LRRC7: variants seen among roughly 807,000 people sequenced by gnomAD.
LRRC7 encodes the protein leucine-rich repeat-containing protein 7.
In LRRC7, 23 loss-of-function variants were observed where a neutral mutation model predicts 175.7. The observed-to-expected ratio is 0.13, with a 90% CI of 0.09 to 0.19. The LOEUF (loss-of-function observed/expected upper bound fraction) is 0.19. Ranked by LOEUF, LRRC7 falls within the 10% of genes least tolerant of loss-of-function variation. The probability of loss-of-function intolerance (pLI) is 1.00; values close to 1 mark genes in which losing one functional copy is unlikely to be tolerated. For missense variants in LRRC7, 1,354 were observed against 1,904.7 expected, an observed-to-expected ratio of 0.71 and a Z score of 5.38; for synonymous variants, 685 against 680.9, an observed-to-expected ratio of 1.01 and a Z score of -0.09.
intron 2 of LRRC7, among the ~76,000 whole-genome samples, chr1:69,702,473 C>T (rs1052206069): frequency 2.6e-5 from 4 of 152,098 alleles, no homozygotes; most frequent in South Asian, 4.1e-4. Context: ...CATCATTGAC[C>T]GCAAAATGAT....
intron 1 of LRRC7, among the ~76,000 whole-genome samples, chr1:69,647,460 C>T (rs553598540): frequency 6.6e-6 from 1 of 152,142 alleles, no homozygotes; most frequent in Admixed American, 6.6e-5. Flanking sequence ...TTCTAGCAAC[C>T]ATCTTTGTGG....
At chr1:69,991,898 A>T (rs1654474782) in intron 10 of LRRC7, among the ~76,000 whole-genome samples, 1 of 152,082 alleles carries the variant, frequency 6.6e-6, no homozygotes, top group African/African-American at 2.4e-5. Context: ...CCTCTTCTAG[A>T]TGGAGAGTTT....
In LRRC7 at chr1:69,981,668, T is replaced by G. The variant is rs1020957969; in HGVS notation, c.786+1215T>G. On this transcript the variant is annotated intron_variant, in intron 9 of 26. Transcript: ENST00000651989. ...TTCACTACTCATAGAAGAGCCTGATTTGTGCTATAGTCAAGGTATGTACAA... is the reference window on the plus strand; with the variant it reads ...TTCACTACTCATAGAAGAGCCTGATGTGTGCTATAGTCAAGGTATGTACAA... Among the ~76,000 whole-genome samples the G allele has an allele frequency of 2.6e-5, 4 of 152,192 alleles. 1 individual carries two copies. Among genetic ancestry groups the G allele is most frequent in the Admixed American group, 2.6e-4 (4 of 15,278 alleles).
At position 70,137,362 on chromosome 1, in the gene LRRC7, T is replaced by A. The variant is rs1325183459; in HGVS notation, c.*15475T>A. On this transcript the variant is annotated 3_prime_UTR_variant, in exon 27 of 27. Transcript: ENST00000651989. Reference sequence around the variant, plus strand: ...GATAACAAAGGCTTACTGTTCCACTTAAAGGGATCAATCTGAGGGAAGAAG... The same window carrying A: ...GATAACAAAGGCTTACTGTTCCACTAAAAGGGATCAATCTGAGGGAAGAAG... 6.6e-6 allele frequency among the ~76,000 whole-genome samples: 1 copy of A among 152,184 alleles called. No homozygotes were observed. Among genetic ancestry groups the A allele is most frequent in the Non-Finnish European group, 1.5e-5 (1 of 68,024 alleles).
At chr1:69,829,849 G>A (rs547367645) in intron 5 of LRRC7, among the ~76,000 whole-genome samples, 2 of 151,704 alleles carry the variant, frequency 1.3e-5, no homozygotes, top group East Asian at 1.9e-4. Context: ...AGCTTGCTAT[G>A]GAATATTTTC....
At chr1:69,862,030 G>C (rs897614868) in intron 7 of LRRC7, among the ~76,000 whole-genome samples, 21 of 152,202 alleles carry the variant, frequency 1.4e-4, no homozygotes, top group Non-Finnish European at 4.4e-5. Context: ...GTAGCTGTGT[G>C]TCAGGGTAGC....
chr1:69,885,280 G>T (rs1160216122), intron 7 of LRRC7, among the ~76,000 whole-genome samples: 1 of 142,442 alleles, frequency 7.0e-6, no homozygotes, highest in African/African-American at 2.7e-5. Flanking sequence ...ATTGATTATT[G>T]CCACAATTTC....
At chr1:69,971,308 C>G (rs188924182) in intron 8 of LRRC7, among the ~76,000 whole-genome samples, 252 of 152,120 alleles carry the variant, frequency 1.7e-3, no homozygotes, top group African/African-American at 5.9e-3. Context: ...TAAAGGGCAT[C>G]CAAATTGGTA....
rs928882910 is a variant in LRRC7 at position 70,038,013 on chromosome 1, G to T, written c.2289-100G>T. Reference sequence around the variant, plus strand: ...TAAGTCAGGTGAGGATTATTGATCAGTTAAACAAAGGATGATGGCCCTCTT... The same window carrying T: ...TAAGTCAGGTGAGGATTATTGATCATTTAAACAAAGGATGATGGCCCTCTT... On this transcript the variant is annotated intron_variant, in intron 20 of 26. Coordinates refer to ENST00000651989, the MANE Select transcript of LRRC7 (RefSeq NM_001370785.2). 9.1e-6 allele frequency: 13 copies of T among 1,427,036 alleles called. No homozygotes were observed. The African/African-American group carries it at 1.4e-4, about 16-fold the overall frequency. The allele number at this position is 1,427,036 out of a possible 1,614,324, so 88.4% of individuals were successfully genotyped here.
chr1:69,602,217 T>A (rs1377272176), intron 1 of LRRC7, among the ~76,000 whole-genome samples: 1 of 152,198 alleles, frequency 6.6e-6, no homozygotes, highest in Non-Finnish European at 1.5e-5. Context: ...TTCTGTTTTC[T>A]CCAAATGGAT....
At chr1:69,784,324 G>A (rs2101037483) in intron 3 of LRRC7, among the ~76,000 whole-genome samples, 1 of 152,166 alleles carries the variant, frequency 6.6e-6, no homozygotes, top group South Asian at 2.1e-4. Flanking sequence ...TGATAGAGAG[G>A]AGCATAGGTG....
chr1:69,964,465 C>G (rs191462924), intron 8 of LRRC7, among the ~76,000 whole-genome samples: 1 of 152,156 alleles, frequency 6.6e-6, no homozygotes, highest in Admixed American at 6.5e-5. Context: ...GATGCTACCC[C>G]ACTCATTGGA....
chr1:69,596,449 T>C (rs1207313356), intron 1 of LRRC7, among the ~76,000 whole-genome samples: 1 of 152,288 alleles, frequency 6.6e-6, no homozygotes, highest in East Asian at 1.9e-4. Flanking sequence ...CAGAGGTCAG[T>C]TGAGGCATAA....
At chr1:70,116,902 C>A (rs11804266) in intron 26 of LRRC7, among the ~76,000 whole-genome samples, 2 of 151,966 alleles carry the variant, frequency 1.3e-5, no homozygotes, top group African/African-American at 4.8e-5. Flanking sequence ...TCTGAGATTC[C>A]TGCTCTTTCT....
rs1316354442 is a variant in LRRC7 at position 70,011,678 on chromosome 1, ATAT to A, written c.1005-115_1005-113del. On this transcript the variant is annotated intron_variant, in intron 11 of 26. Transcript: ENST00000651989. Reference sequence around the variant, plus strand: ...ATCATTTGAACTGGTAAATTATATAATATTATGTTGTTACCGCATGAATAACTT... The same window carrying A: ...ATCATTTGAACTGGTAAATTATATAATATGTTGTTACCGCATGAATAACTT... 1.1e-5 allele frequency: 7 copies of A among 638,892 alleles called. No homozygotes were observed. The Admixed American group carries it at 1.1e-4, about 10-fold the overall frequency. The allele number at this position is 638,892 out of a possible 1,614,324, so 39.6% of individuals were successfully genotyped here.
intron 22 of LRRC7, among the ~76,000 whole-genome samples, chr1:70,051,679 A>G (rs1258009482): frequency 6.6e-6 from 1 of 151,512 alleles, no homozygotes; most frequent in East Asian, 1.9e-4. Context: ...ATACTTTTTG[A>G]TAGGCTTATG....
chr1:69,612,335 A>T (rs917487566), intron 1 of LRRC7, among the ~76,000 whole-genome samples: 1 of 152,082 alleles, frequency 6.6e-6, no homozygotes, highest in Non-Finnish European at 1.5e-5. Flanking sequence ...ATTATATTTT[A>T]TATAACTTTC....
At chr1:69,669,468 G>GT (rs1047767803) in intron 1 of LRRC7, among the ~76,000 whole-genome samples, 3 of 152,044 alleles carry the variant, frequency 2.0e-5, no homozygotes, top group East Asian at 1.9e-4. Context: ...TGTGTTACTT[G>GT]TTTTTTTGCA....
chr1:69,982,070 A>T (rs1653492602), intron 9 of LRRC7, among the ~76,000 whole-genome samples: 2 of 152,226 alleles, frequency 1.3e-5, no homozygotes, highest in South Asian at 4.1e-4. Flanking sequence ...ACAAATGAGA[A>T]TTTTACTTTT....
Sources: allele counts gnomAD v4.1 joint callset (sites outside exome capture counted in the v4.1 genomes callset), GRCh38; gene constraint gnomAD v4.1.1; transcripts MANE v1.5; gene names NCBI Gene and HGNC (gene_info 2026-07-23, HGNC 2026-07-21).